The following CACNA1C variants were observed in gnomAD, a reference collection of about 807,000 sequenced individuals.
The protein encoded by CACNA1C is calcium voltage-gated channel subunit alpha1 C.
CACNA1C carries 30 observed loss-of-function variants against 229.0 expected under a neutral mutation model. The ratio of observed to expected loss-of-function variants is 0.13; its 90% CI spans 0.10 to 0.18. The LOEUF (loss-of-function observed/expected upper bound fraction) is 0.18. Among genes scored for constraint, CACNA1C ranks in the 10% least tolerant of loss-of-function variants. The pLI is 1.00. For synonymous variants in CACNA1C, 1,114 were observed against 1,132.5 expected (o/e 0.98, Z 0.33); for missense variants, 1,658 against 2,845.0 (o/e 0.58, Z 9.49).
In CACNA1C at chr12:2,666,097, G is replaced by A. The variant is rs912885859; in HGVS notation, c.4526+389G>A. Among the ~76,000 whole-genome samples, 3 of 152,226 alleles carry A rather than the reference G, an allele frequency of 2.0e-5. No individual in the cohort carries two copies. Among genetic ancestry groups the A allele is most frequent in the Non-Finnish European group, 2.9e-5 (2 of 68,038 alleles). ...CCAGCTACTCAGGAGGCCAAGGCAT[G>A]AGAATTGCCTGAACCTGGGAGGTGG... On this transcript the variant is annotated intron_variant, in intron 36 of 46. Transcript: ENST00000399655. This position sits in a 1 kb window ranked among gnomAD's most constrained non-coding sequence, Gnocchi z 5.3.
Position 2,091,881 on chromosome 12 carries a change from C to T in CACNA1C, c.50-23343C>T, listed in dbSNP as rs370153118. ...TAGGGATCTGAAGGCTTGGGCTTGA[C>T]TTTGGTTTGGCTTTGCCTGGGTGGG... On this transcript the variant is annotated intron_variant, in intron 1 of 46. Transcript: ENST00000399655. Among the ~76,000 whole-genome samples the T allele has an allele frequency of 4.6e-5, 7 of 152,248 alleles. No individual in the cohort carries two copies. In the East Asian group the frequency reaches 1.2e-3, roughly 25 times the overall value.
intron 3 of CACNA1C, among the ~76,000 whole-genome samples, chr12:2,447,014 G>A (rs2099301908): frequency 6.6e-6 from 1 of 152,092 alleles, no homozygotes; most frequent in Admixed American, 6.5e-5. Flanking sequence ...TCACCTTTCT[G>A]GGAATATAGA....
chr12:2,086,872 C>T (rs1190553365), intron 1 of CACNA1C, among the ~76,000 whole-genome samples: 4 of 152,166 alleles, frequency 2.6e-5, no homozygotes, highest in Admixed American at 6.5e-5. Context: ...CTGACTGCCA[C>T]GGCAGCTGGA....
At chr12:2,484,901 TC>T (rs1313168279) in intron 5 of CACNA1C, among the ~76,000 whole-genome samples, 1 of 113,038 alleles carries the variant, frequency 8.8e-6, no homozygotes, top group Non-Finnish European at 1.8e-5. Flanking sequence ...CCAGCTTTTC[TC>T]TTCTTTCTTT....
chr12:2,017,662 T>TTC (rs1365298309), intron 1 of CACNA1C, among the ~76,000 whole-genome samples: 2 of 150,566 alleles, frequency 1.3e-5, no homozygotes, highest in South Asian at 4.2e-4. Flanking sequence ...TTTTTTCTGT[T>TTC]TTTTTTTTTT....
At position 2,533,973 on chromosome 12, in the gene CACNA1C, A is replaced by G. The variant is rs924035223; in HGVS notation, c.1391-15970A>G. 4.6e-5 allele frequency among the ~76,000 whole-genome samples: 7 copies of G among 152,222 alleles called. No homozygotes were observed. In the East Asian group the frequency reaches 1.3e-3, roughly 29 times the overall value. On this transcript the variant is annotated intron_variant, in intron 9 of 46. Coordinates refer to ENST00000399655, the MANE Select transcript of CACNA1C (RefSeq NM_000719.7). ...AAGAACCATATGTGTCAGCACACCA[A>G]GCTACATGGCACAAATAGTAAATGC... is the stretch of plus-strand genomic sequence containing the variant.
At chr12:2,584,723 C>A in intron 16 of CACNA1C, 106 bp downstream of exon 16, 1 of 759,602 alleles carries the variant, frequency 1.3e-6, no homozygotes, top group Non-Finnish European at 2.2e-6. Context: ...TGTTGGCTCT[C>A]CCTCCTAGGA....
chr12:2,508,553 C>T (rs1329512279), intron 8 of CACNA1C, among the ~76,000 whole-genome samples: 5 of 152,090 alleles, frequency 3.3e-5, no homozygotes, highest in African/African-American at 1.2e-4. Context: ...TTCGGGAAGC[C>T]GAGGTGGGAG....
intron 1 of CACNA1C, among the ~76,000 whole-genome samples, chr12:2,078,534 A>G (rs568162670): frequency 7.2e-5 from 11 of 152,226 alleles, no homozygotes; most frequent in South Asian, 2.1e-4. Context: ...AAAGTAGTCA[A>G]ACTCTTAGAA....
At chr12:2,643,088 G>A (rs960440033) in intron 30 of CACNA1C, among the ~76,000 whole-genome samples, 3 of 152,218 alleles carry the variant, frequency 2.0e-5, no homozygotes, top group African/African-American at 4.8e-5. Flanking sequence ...CTGGGAGCCC[G>A]GCTGCCAGTC....
intron 3 of CACNA1C, among the ~76,000 whole-genome samples, chr12:2,174,125 G>C (rs749392578): frequency 3.3e-5 from 5 of 152,024 alleles, no homozygotes; most frequent in Admixed American, 6.6e-5. Context: ...GGAGGCAGAC[G>C]AGAGGGACAT....
rs2097030937 is a variant in CACNA1C at position 2,679,798 on chromosome 12, T to C, written c.5444+2T>C. On this transcript the variant is annotated splice_donor_variant, in intron 42 of 46. Transcript: ENST00000399655. LOFTEE classifies it high-confidence loss of function. This position sits in a 1 kb window ranked among gnomAD's most constrained non-coding sequence, Gnocchi z 5.5. ...GGCGTGGAAGCTCAGCTCCAACAGG[T>C]AAGTGGGAGGCTGGCCACCCCAGGC... is the stretch of plus-strand genomic sequence containing the variant. The C allele has an allele frequency of 6.4e-7, 1 of 1,550,758 alleles. No individual in the cohort carries two copies. The highest frequency in any genetic ancestry group is 1.4e-5 in the African/African-American group (1 of 73,084).
In CACNA1C at chr12:2,128,564, C is replaced by T. The variant is rs1392983052; in HGVS notation, c.477+8134C>T. Among the ~76,000 whole-genome samples the T allele has an allele frequency of 2.6e-5, 4 of 152,242 alleles. No individual in the cohort carries two copies. The East Asian group carries it at 5.8e-4, about 22-fold the overall frequency. ...TAGCTGGGACTACACGCGCTCAGCA[C>T]CATGCCCAGCTAATTTTTTTGTATT... is the stretch of plus-strand genomic sequence containing the variant. On this transcript the variant is annotated intron_variant, in intron 3 of 46. Transcript: ENST00000399655.
intron 3 of CACNA1C, among the ~76,000 whole-genome samples, chr12:2,177,587 C>CCCTCCCTCCCTCCCTCCCTCCTT (rs750852324): frequency 8.9e-5 from 7 of 78,524 alleles, no homozygotes; most frequent in South Asian, 6.4e-4. Flanking sequence ...CTCCCTCCCT[C>CCCTCCCTCCCTCCCTCCCTCCTT]CCTTCCTTCC....
intron 1 of CACNA1C, among the ~76,000 whole-genome samples, chr12:2,060,944 T>C (rs2057260988): frequency 6.6e-6 from 1 of 152,268 alleles, no homozygotes; most frequent in South Asian, 2.1e-4. Context: ...TGTACAGTCA[T>C]TTATATTCCT....
At chr12:2,524,133 T>C (rs1715308722) in intron 9 of CACNA1C, among the ~76,000 whole-genome samples, 1 of 152,000 alleles carries the variant, frequency 6.6e-6, no homozygotes. Context: ...CTGAAGCTAG[T>C]GGAAAGGTCA....
At chr12:1,977,885 A>C (rs898988743) in intron 1 of CACNA1C, among the ~76,000 whole-genome samples, 3 of 152,218 alleles carry the variant, frequency 2.0e-5, no homozygotes, top group Admixed American at 6.5e-5. Flanking sequence ...AAGACAATCA[A>C]GTTTATACTT....
chr12:2,009,846 T>TG (rs2044081752), intron 1 of CACNA1C, among the ~76,000 whole-genome samples: 1 of 152,208 alleles, frequency 6.6e-6, no homozygotes, highest in Non-Finnish European at 1.5e-5. Context: ...TCTATCTACG[T>TG]GACCTTCAAC....
intron 43 of CACNA1C, among the ~76,000 whole-genome samples, chr12:2,683,887 G>C (rs991610283): frequency 1.3e-5 from 2 of 152,226 alleles, no homozygotes; most frequent in African/African-American, 4.8e-5. Context: ...GGGAACCCTG[G>C]AGCTGCCGAT....
Sources: allele counts gnomAD v4.1 joint callset (sites outside exome capture counted in the v4.1 genomes callset), GRCh38; gene constraint gnomAD v4.1.1; non-coding constraint Gnocchi (gnomAD v3.1); transcripts MANE v1.5; gene names NCBI Gene and HGNC (gene_info 2026-07-23, HGNC 2026-07-21).